RYK: variants seen among roughly 807,000 people sequenced by gnomAD.
The protein encoded by RYK is inactive tyrosine-protein kinase RYK.
RYK carries 21 observed loss-of-function variants against 70.2 expected under a neutral mutation model. The ratio of observed to expected loss-of-function variants is 0.30; its 90% confidence interval spans 0.21 to 0.43. RYK has a LOEUF of 0.43. Ranked by LOEUF, RYK falls within the 20% of genes least tolerant of loss-of-function variation. The probability of loss-of-function intolerance (pLI) is 1.00; values close to 1 mark genes in which losing one functional copy is unlikely to be tolerated. For missense variants in RYK, 604 were observed against 753.3 expected, an observed-to-expected ratio of 0.80 and a Z score of 2.32; for synonymous variants, 267 against 278.0, an observed-to-expected ratio of 0.96 and a Z score of 0.39.
chr3:134,249,917 G>GTTTTTTTTTTTTTTTTT lies in RYK; in HGVS notation c.232+489_232+505dup, dbSNP rs71624038. On this transcript the variant is annotated intron_variant, in intron 1 of 14. Transcript: ENST00000623711. ...TATAACCTCCCCTTCTTTCTCTCTCGTTTTTTTTTTTTTTTTTTTTTTTTT... is the reference window on the plus strand; with the variant it reads ...TATAACCTCCCCTTCTTTCTCTCTCGTTTTTTTTTTTTTTTTTTTTTTTTTTTTTTTTTTTTTTTTTT... Among the ~76,000 whole-genome samples, 42 of 93,334 alleles carry GTTTTTTTTTTTTTTTTT rather than the reference G, an allele frequency of 4.5e-4. 8 individuals are homozygous for GTTTTTTTTTTTTTTTTT. The highest frequency in any genetic ancestry group is 2.2e-3 in the African/African-American group (41 of 18,902). The allele number at this position is 93,334 out of a possible 152,430, so 61.2% of individuals were successfully genotyped here. A position where few individuals can be genotyped will look rare whatever the true frequency, so the allele number is the denominator to read the frequency against.
chr3:134,202,072 A>C (rs2014044734), intron 6 of RYK, among the ~76,000 whole-genome samples: 1 of 152,210 alleles, frequency 6.6e-6, no homozygotes, highest in Non-Finnish European at 1.5e-5. Context: ...AGGTTAATGT[A>C]AAAGATTAAA....
chr3:134,166,743 A>G (rs1036289966), intron 13 of RYK, among the ~76,000 whole-genome samples: 2 of 152,220 alleles, frequency 1.3e-5, no homozygotes, highest in African/African-American at 4.8e-5. Context: ...ACAAGATTTT[A>G]TCAGTAAATT....
chr3:134,218,482 C>G (rs928857376), intron 2 of RYK, among the ~76,000 whole-genome samples: 1 of 152,116 alleles, frequency 6.6e-6, no homozygotes, highest in African/African-American at 2.4e-5. Context: ...CCTGACACAG[C>G]TGGAGAAGAG....
chr3:134,209,601 G>C (rs191666280), intron 4 of RYK, 94 bp downstream of exon 4: 4 of 904,030 alleles, frequency 4.4e-6, no homozygotes, highest in Non-Finnish European at 4.7e-6. Flanking sequence ...ATAATCATGA[G>C]TTGGACATAC....
Position 134,231,040 on chromosome 3 carries a change from C to T in RYK, c.233-8501G>A, listed in dbSNP as rs577871602. Among the ~76,000 whole-genome samples, 339 of 151,984 alleles carry T rather than the reference C, an allele frequency of 2.2e-3. 1 individual carries two copies. The highest frequency in any genetic ancestry group is 7.3e-3 in the African/African-American group (301 of 41,458). On this transcript the variant is annotated intron_variant, in intron 1 of 14. Transcript: ENST00000623711. ...AAATAAAGAACTCTGTTCCTAATAA[C>T]AATTTATTGTTATTACTGGTAATAA...
Position 134,178,050 on chromosome 3 carries a change from A to G in RYK, c.1196T>C (p.Val399Ala). Residue 399 changes from valine to alanine, a missense_variant, in exon 11 of 15, where the codon GTG becomes GCG. Val to Ala is a moderately conservative substitution (Grantham distance 64). Around this residue, in one of 2 missense-constraint regions of RYK, gnomAD observed 466 missense variants for 535.9 expected, o/e 0.87. Coordinates refer to ENST00000623711, the MANE Select transcript of RYK (RefSeq NM_002958.4). Reference protein sequence around the residue: ...HHRNLLPITHVCIEEGEKPMV... With the variant: ...HHRNLLPITHACIEEGEKPMV... Reference sequence around the variant, plus strand: ...GGGCTTTTCTCCTTCTTCTATACACACATGAGTAATAGGAAGAAGATTTCT... The same window carrying G: ...GGGCTTTTCTCCTTCTTCTATACACGCATGAGTAATAGGAAGAAGATTTCT... The G allele has an allele frequency of 1.3e-6, 2 of 1,585,150 alleles. No homozygotes were observed. Among genetic ancestry groups the G allele is most frequent in the Non-Finnish European group, 1.7e-6 (2 of 1,165,030 alleles).
In RYK at chr3:134,250,561, G is replaced by A. The variant is rs1353432346; in HGVS notation, c.94C>T (p.Leu32=). 24 of 1,101,326 alleles carry A rather than the reference G, an allele frequency of 2.2e-5. No individual in the cohort carries two copies. Among genetic ancestry groups the A allele is most frequent in the South Asian group, 8.9e-5 (2 of 22,556 alleles). 68.2% of individuals were successfully genotyped at this position (1,101,326 alleles called of 1,614,324 possible). Residue 32 remains leucine (L), a synonymous_variant, in exon 1 of 15, where the codon CTG becomes TTG. Coordinates refer to ENST00000623711, the MANE Select transcript of RYK (RefSeq NM_002958.4). ...RAPPPPPLLL[L]LALLPLLPAP... is the part of the protein sequence containing the mutation. ...GGCAGCAGCGGCAACAGCGCAAGCA[G>A]AAGCAGCAGCGGCGGCGGCGGCGGG...
At chr3:134,161,017 A>G (rs1323758410) in intron 13 of RYK, among the ~76,000 whole-genome samples, 6 of 152,224 alleles carry the variant, frequency 3.9e-5, no homozygotes, top group Admixed American at 3.9e-4. Context: ...CTTCATGTGG[A>G]AAGAAAATAT....
At chr3:134,204,409 G>C (rs2014135987) in intron 5 of RYK, among the ~76,000 whole-genome samples, 1 of 152,036 alleles carries the variant, frequency 6.6e-6, no homozygotes. Flanking sequence ...TGAGGCAGGA[G>C]AATCACTTGA....
intron 13 of RYK, among the ~76,000 whole-genome samples, chr3:134,169,047 A>G (rs2012798120): frequency 6.6e-6 from 1 of 152,202 alleles, no homozygotes; most frequent in Admixed American, 6.5e-5. Context: ...TAGTCACAAA[A>G]TAAATAATGT....
intron 6 of RYK, among the ~76,000 whole-genome samples, chr3:134,201,843 G>A (rs898605287): frequency 4.6e-5 from 7 of 152,156 alleles, no homozygotes; most frequent in Non-Finnish European, 8.8e-5. Context: ...CACAAAGCTG[G>A]GGCATGTCTT....
intron 6 of RYK, among the ~76,000 whole-genome samples, chr3:134,198,582 G>A (rs1235227359): frequency 2.0e-5 from 3 of 152,186 alleles, no homozygotes; most frequent in Non-Finnish European, 4.4e-5. Flanking sequence ...CCAGTACCTG[G>A]CACAATAAGC....
At chr3:134,166,224 T>C (rs2108142918) in intron 13 of RYK, among the ~76,000 whole-genome samples, 1 of 152,234 alleles carries the variant, frequency 6.6e-6, no homozygotes, top group South Asian at 2.1e-4. Context: ...GGATTGGTAC[T>C]CTTATAAAAG....
At chr3:134,190,582 T>C (rs1013832777) in intron 8 of RYK, among the ~76,000 whole-genome samples, 2 of 152,250 alleles carry the variant, frequency 1.3e-5, no homozygotes, top group African/African-American at 4.8e-5. Context: ...ATGTAACTAT[T>C]GTTTTCTTTG....
At chr3:134,221,683 A>G (rs1026791754) in intron 2 of RYK, among the ~76,000 whole-genome samples, 4 of 152,194 alleles carry the variant, frequency 2.6e-5, no homozygotes, top group Non-Finnish European at 5.9e-5. Context: ...AAAACTCTAC[A>G]ATAGGTATTC....
chr3:134,191,310 A>C (rs1394261444), intron 8 of RYK, among the ~76,000 whole-genome samples: 1 of 152,214 alleles, frequency 6.6e-6, no homozygotes. Context: ...TCATTCATTT[A>C]CTGTACCTAA....
chr3:134,158,948 G>C (rs925002375), intron 14 of RYK, among the ~76,000 whole-genome samples: 2 of 152,094 alleles, frequency 1.3e-5, no homozygotes, highest in Non-Finnish European at 2.9e-5. Context: ...ACTTTATATA[G>C]AATAACTGAC....
At chr3:134,193,668 C>T (rs1036615203) in intron 7 of RYK, among the ~76,000 whole-genome samples, 1 of 152,166 alleles carries the variant, frequency 6.6e-6, no homozygotes, top group African/African-American at 2.4e-5. Flanking sequence ...TCCTAAAAAG[C>T]ATATATTTCT....
intron 1 of RYK, among the ~76,000 whole-genome samples, chr3:134,228,186 G>A (rs2014960188): frequency 6.6e-6 from 1 of 152,136 alleles, no homozygotes; most frequent in Non-Finnish European, 1.5e-5. Flanking sequence ...CACTACTTGG[G>A]TGGCTGAGAT....
Sources: allele counts gnomAD v4.1 joint callset (sites outside exome capture counted in the v4.1 genomes callset), GRCh38; gene constraint gnomAD v4.1.1; regional missense constraint gnomAD v4.1.1; transcripts MANE v1.5; gene names NCBI Gene and HGNC (gene_info 2026-07-23, HGNC 2026-07-21).